CNKSR2: variants seen among roughly 807,000 people sequenced by gnomAD.
CNKSR2 encodes connector enhancer of kinase suppressor of Ras 2, also known as CNK homolog protein 2.
In CNKSR2, 14 loss-of-function variants were observed where a neutral mutation model predicts 84.4. The ratio of observed to expected loss-of-function variants is 0.17; its 90% CI spans 0.11 to 0.26. The LOEUF is 0.26. CNKSR2 is among the 10% of genes least tolerant of loss of function. CNKSR2 has a pLI of 1.00. For synonymous variants in CNKSR2, 275 were observed against 277.9 expected (o/e 0.99, Z 0.10); for missense variants, 485 against 771.2 (o/e 0.63, Z 4.40).
intron 1 of CNKSR2, among the ~76,000 whole-genome samples, chrX:21,411,561 A>G (rs1389125033): frequency 3.6e-5 from 4 of 111,113 alleles, no homozygotes; most frequent in Non-Finnish European, 1.9e-5. Context: ...GCCTTCTTTC[A>G]GTGCCTCATA....
At chrX:21,421,664 T>C (rs921698329) in intron 1 of CNKSR2, among the ~76,000 whole-genome samples, 3 of 111,403 alleles carry the variant, frequency 2.7e-5, no homozygotes, top group Admixed American at 9.5e-5. Context: ...ATGGTAATCT[T>C]TTTTTTATTT....
At chrX:21,636,513 T>G (rs1169402360) in intron 20 of CNKSR2, among the ~76,000 whole-genome samples, 1 of 111,211 alleles carries the variant, frequency 9.0e-6, no homozygotes, top group Non-Finnish European at 1.9e-5. Context: ...GCTGTCCACC[T>G]ACATTGCTGA....
At chrX:21,391,470 C>G (rs773978736) in intron 1 of CNKSR2, among the ~76,000 whole-genome samples, 14 of 112,349 alleles carry the variant, frequency 1.2e-4, no homozygotes, top group African/African-American at 4.5e-4. Context: ...ACAGCTTGTA[C>G]CCTCTGGATC....
intron 6 of CNKSR2, chrX:21,492,334 T>A (rs2147045497): frequency 9.0e-6 from 1 of 111,141 alleles, no homozygotes; most frequent in East Asian, 2.8e-4. Context: ...AGTTAAACAG[T>A]TTAGGAGAGA....
chrX:21,466,450 A>G (rs2091129075), intron 4 of CNKSR2, among the ~76,000 whole-genome samples: 1 of 112,035 alleles, frequency 8.9e-6, no homozygotes, highest in African/African-American at 3.2e-5. Context: ...ACCTAGAGCT[A>G]TTTAAATACT....
chrX:21,475,968 C>T (rs768775253), intron 5 of CNKSR2, among the ~76,000 whole-genome samples: 3 of 111,162 alleles, frequency 2.7e-5, no homozygotes, highest in South Asian at 3.9e-4. Flanking sequence ...TTCTGATTTT[C>T]GGATTAGAGA....
intron 20 of CNKSR2, among the ~76,000 whole-genome samples, chrX:21,646,744 A>C (rs1216588194): frequency 9.0e-6 from 1 of 111,648 alleles, no homozygotes; most frequent in Non-Finnish European, 1.9e-5. Flanking sequence ...CACATCTGTT[A>C]GGCCTCGCAT....
intron 12 of CNKSR2, among the ~76,000 whole-genome samples, chrX:21,562,732 A>G (rs2092202770): frequency 9.0e-6 from 1 of 111,376 alleles, no homozygotes; most frequent in Non-Finnish European, 1.9e-5. Context: ...GCTGACTACC[A>G]ATTTAAGCAT....
intron 11 of CNKSR2, among the ~76,000 whole-genome samples, chrX:21,559,535 A>T (rs906566757): frequency 9.0e-6 from 1 of 111,602 alleles, no homozygotes; most frequent in Non-Finnish European, 1.9e-5. Flanking sequence ...TATAATGAAC[A>T]AAGGGTCGGT....
At chrX:21,638,969 A>T (rs1187984636) in intron 20 of CNKSR2, among the ~76,000 whole-genome samples, 1 of 112,003 alleles carries the variant, frequency 8.9e-6, no homozygotes, top group Non-Finnish European at 1.9e-5. Context: ...GGCATGAGCC[A>T]CTGTGCCCAG....
At chrX:21,492,825 T>C (rs903809672) in intron 6 of CNKSR2, 3 of 112,208 alleles carry the variant, frequency 2.7e-5, no homozygotes, top group African/African-American at 9.7e-5. Flanking sequence ...GTTTTAAAAC[T>C]CAGTCACGTT....
chrX:21,631,093 A>G (rs1481103683), intron 20 of CNKSR2, among the ~76,000 whole-genome samples: 1 of 111,041 alleles, frequency 9.0e-6, no homozygotes, highest in Non-Finnish European at 1.9e-5. Context: ...AGGCCAAGGC[A>G]GGAGGATTGC....
At chrX:21,621,325 T>G (rs980541499) in intron 20 of CNKSR2, among the ~76,000 whole-genome samples, 2 of 111,819 alleles carry the variant, frequency 1.8e-5, no homozygotes, top group Admixed American at 1.9e-4. Context: ...AGCATTCCAC[T>G]TACTTTATTT....
Position 21,652,354 on chromosome X carries a change from G to T in CNKSR2, c.2938G>T (p.Asp980Tyr), listed in dbSNP as rs1569293625. The T allele has an allele frequency of 1.7e-6, 2 of 1,211,356 alleles. No homozygotes were observed. Among genetic ancestry groups the T allele is most frequent in the Non-Finnish European group, 2.2e-6 (2 of 894,948 alleles). The change falls in exon 22 of 22, where the codon GAC (aspartate) becomes TAC (tyrosine). Residue 980 changes from aspartate to tyrosine, a missense_variant. By Grantham distance (160) the Asp-to-Tyr change is radical. Transcript: ENST00000379510. ...AIIDKVLDNP[D>Y]LTSKEFQQWK... is the part of the protein sequence containing the mutation. The stretch of plus-strand genomic sequence containing the variant: ...TATCGATAAAGTCCTAGACAATCCA[G>T]ACTTGACATCTAAAGAATTCCAACA...
chrX:21,547,525 CA>C (rs1028701925), intron 11 of CNKSR2, among the ~76,000 whole-genome samples: 1 of 111,343 alleles, frequency 9.0e-6, no homozygotes, highest in African/African-American at 3.3e-5. Flanking sequence ...ATCAATGAGA[CA>C]GAAAATTAAC....
intron 3 of CNKSR2, among the ~76,000 whole-genome samples, chrX:21,438,985 C>A (rs1465251056): frequency 9.0e-6 from 1 of 111,208 alleles, no homozygotes; most frequent in Non-Finnish European, 1.9e-5. Context: ...GTAGACAAAT[C>A]CACAGTTGTA....
Position 21,501,220 on chromosome X carries a change from C to T in CNKSR2, c.742-300C>T, listed in dbSNP as rs151140730. Among the ~76,000 whole-genome samples, 551 of 110,569 alleles carry T rather than the reference C, an allele frequency of 5.0e-3. 1 individual carries two copies. Among genetic ancestry groups the T allele is most frequent in the African/African-American group, 0.016 (485 of 30,716 alleles). On this transcript the variant is annotated intron_variant, in intron 7 of 21. Coordinates refer to ENST00000379510, the MANE Select transcript of CNKSR2 (RefSeq NM_014927.5). ...CATTTTTTCATAATGCTCTCAGAAA[C>T]GTGTTCTTTTATAATAAATATCTAT...
intron 6 of CNKSR2, chrX:21,492,588 A>G (rs753319203): frequency 1.9e-5 from 2 of 106,208 alleles, no homozygotes; most frequent in East Asian, 5.6e-4. Flanking sequence ...TTGAATTGCT[A>G]AACAGGTATG....
intron 17 of CNKSR2, 127 bp downstream of exon 17, chrX:21,595,522 A>G: frequency 2.6e-6 from 1 of 380,507 alleles, no homozygotes; most frequent in East Asian, 4.2e-5. Context: ...TAGACCCAGA[A>G]TAGCTCCATG....
Sources: gnomAD v4.1 joint callset for allele counts (sites outside exome capture counted in the v4.1 genomes callset) on GRCh38, gnomAD v4.1.1 for gene constraint, MANE v1.5 for transcripts, NCBI Gene and HGNC (gene_info 2026-07-23, HGNC 2026-07-21) for gene names.